TP63: variants seen among roughly 807,000 people sequenced by gnomAD.
TP63 encodes tumor protein 63.
Under a neutral mutation model 82.8 loss-of-function variants are expected in TP63, and 17 were observed. The observed-to-expected ratio is 0.21, with a 90% confidence interval of 0.14 to 0.31. TP63 has a LOEUF of 0.31. Among genes scored for constraint, TP63 ranks in the 10% least tolerant of loss-of-function variants. The pLI is 1.00. For missense variants in TP63, 648 were observed against 895.3 expected (o/e 0.72, Z 3.52); for synonymous variants, 330 against 321.7 (o/e 1.03, Z -0.28).
chr3:189,785,743 A>T (rs952868122), intron 3 of TP63, among the ~76,000 whole-genome samples: 1 of 152,032 alleles, frequency 6.6e-6, no homozygotes, highest in African/African-American at 2.4e-5. Context: ...CATTCTAAGT[A>T]ATTTATCTGG....
At position 189,846,923 on chromosome 3, in the gene TP63, C is replaced by T. The variant is rs1226068779; in HGVS notation, c.580-17309C>T. Among the ~76,000 whole-genome samples, 9 of 151,616 alleles carry T rather than the reference C, an allele frequency of 5.9e-5. No individual in the cohort carries two copies. The East Asian group carries it at 1.8e-3, about 30-fold the overall frequency. ...GTCTCGAACTGCTGACCTTGTGATC[C>T]ACCCACCTCGGCCTCCCAAAATGCT... On this transcript the variant is annotated intron_variant, in intron 4 of 13. Coordinates refer to ENST00000264731, the MANE Select transcript of TP63 (RefSeq NM_003722.5).
chr3:189,837,628 G>A (rs952242805), intron 4 of TP63, among the ~76,000 whole-genome samples: 2 of 152,084 alleles, frequency 1.3e-5, no homozygotes, highest in African/African-American at 4.8e-5. Flanking sequence ...GGAATCCCAT[G>A]CAATAGTTAT....
At chr3:189,777,283 G>A (rs1036145712) in intron 3 of TP63, among the ~76,000 whole-genome samples, 11 of 151,850 alleles carry the variant, frequency 7.2e-5, no homozygotes, top group Admixed American at 3.3e-4. Context: ...TCCAATCTCC[G>A]CCTCCCAGGT....
rs1717388520 is a variant in TP63 at position 189,864,087 on chromosome 3, T to C, written c.580-145T>C. 7 of 1,007,292 alleles carry C rather than the reference T, an allele frequency of 6.9e-6. No homozygotes were observed. The East Asian group carries it at 1.4e-4, about 21-fold the overall frequency. 62.4% of individuals were successfully genotyped at this position (1,007,292 alleles called of 1,614,324 possible). A position where few individuals can be genotyped will look rare whatever the true frequency, so the allele number is the denominator to read the frequency against. On this transcript the variant is annotated intron_variant, in intron 4 of 13. Transcript: ENST00000264731. ...ATAACTTCCTCTAATAACATTGACA[T>C]ACGTCACATCTATAGTAGCCAGTAG...
chr3:189,738,885 C>T, intron 3 of TP63, 111 bp downstream of exon 3: 2 of 1,485,320 alleles, frequency 1.3e-6, no homozygotes, highest in Non-Finnish European at 1.8e-6. Flanking sequence ...ATGGCCAAGG[C>T]CTTTGGGAAG....
At chr3:189,636,159 A>G (rs142765235) in intron 1 of TP63, among the ~76,000 whole-genome samples, 6 of 152,316 alleles carry the variant, frequency 3.9e-5, no homozygotes, top group African/African-American at 1.2e-4. Flanking sequence ...GCTTCAAAAT[A>G]TATTTATGAC....
the TP63 span, among the ~76,000 whole-genome samples, chr3:189,624,546 G>T: frequency 6.6e-6 from 1 of 151,950 alleles, no homozygotes; most frequent in Admixed American, 6.6e-5. Flanking sequence ...CCAATCTAAG[G>T]CTTGATAGAC....
chr3:189,765,319 C>T (rs1722858107), intron 3 of TP63, among the ~76,000 whole-genome samples: 9 of 151,688 alleles, frequency 5.9e-5, no homozygotes, highest in Admixed American at 5.9e-4. Context: ...TTTTTCCCCC[C>T]TGAGATCCAA....
At chr3:189,705,941 A>G (rs1408669816) in intron 1 of TP63, among the ~76,000 whole-genome samples, 2 of 152,214 alleles carry the variant, frequency 1.3e-5, no homozygotes, top group Non-Finnish European at 2.9e-5. Flanking sequence ...TGGGATATCC[A>G]TAAAGAAGCC....
At chr3:189,754,806 T>A (rs925429203) in intron 3 of TP63, among the ~76,000 whole-genome samples, 1 of 152,156 alleles carries the variant, frequency 6.6e-6, no homozygotes. Flanking sequence ...AGAGCCACTC[T>A]CACACTGCCA....
chr3:189,762,459 A>G (rs1722653963), intron 3 of TP63, among the ~76,000 whole-genome samples: 1 of 152,232 alleles, frequency 6.6e-6, no homozygotes, highest in African/African-American at 2.4e-5. Context: ...GTATACAGCT[A>G]TAATGACAGA....
rs1712473163 is a variant in TP63 at position 189,832,217 on chromosome 3, C to G, written c.579+23691C>G. ...CTCCTCTTGGGGTTTTTCTAAATGA[C>G]TGGCAAATGGAAAACCTGAAAGTTA... On this transcript the variant is annotated intron_variant, in intron 4 of 13. Coordinates refer to ENST00000264731, the MANE Select transcript of TP63 (RefSeq NM_003722.5). Among the ~76,000 whole-genome samples, 5 of 152,038 alleles carry G rather than the reference C, an allele frequency of 3.3e-5. No individual in the cohort carries two copies. In the South Asian group the frequency reaches 1.0e-3, roughly 32 times the overall value.
intron 4 of TP63, among the ~76,000 whole-genome samples, chr3:189,808,899 T>G (rs751247096): frequency 2.6e-5 from 4 of 152,186 alleles, no homozygotes; most frequent in Non-Finnish European, 5.9e-5. Context: ...GTCTCATTCT[T>G]GTAAAGAAGT....
At position 189,894,814 on chromosome 3, in the gene TP63, C is replaced by T. The variant is rs942176630; in HGVS notation, c.*312C>T. ...CATTGACTTTTATAAAGCATGTTCACCCTTATAGTCTAAGACTATATATAT... is the reference window on the plus strand; with the variant it reads ...CATTGACTTTTATAAAGCATGTTCATCCTTATAGTCTAAGACTATATATAT... On this transcript the variant is annotated 3_prime_UTR_variant, in exon 14 of 14. Coordinates refer to ENST00000264731, the MANE Select transcript of TP63 (RefSeq NM_003722.5). The T allele has an allele frequency of 2.5e-6, 1 of 404,778 alleles. No individual in the cohort carries two copies. Among genetic ancestry groups the T allele is most frequent in the Admixed American group, 3.8e-5 (1 of 26,432 alleles). 25.1% of individuals were successfully genotyped at this position (404,778 alleles called of 1,614,324 possible).
At chr3:189,603,083 C>T in the TP63 span, among the ~76,000 whole-genome samples, 2 of 152,266 alleles carry the variant, frequency 1.3e-5, no homozygotes, top group African/African-American at 4.8e-5. Flanking sequence ...AATGGAGGCT[C>T]TTTTACCCAG....
At chr3:189,681,686 T>A (rs1715916571) in intron 1 of TP63, among the ~76,000 whole-genome samples, 1 of 152,142 alleles carries the variant, frequency 6.6e-6, no homozygotes, top group African/African-American at 2.4e-5. Flanking sequence ...TTCTTCCTCC[T>A]CCTCCTTTTT....
At chr3:189,640,584 C>T (rs894149127) in intron 1 of TP63, among the ~76,000 whole-genome samples, 6 of 152,122 alleles carry the variant, frequency 3.9e-5, no homozygotes, top group African/African-American at 1.4e-4. Flanking sequence ...TTCAGTGATG[C>T]TCTATAAATG....
rs552532205 is a variant in TP63 at position 189,865,193 on chromosome 3, C to A, written c.766+775C>A. 4.2e-4 allele frequency among the ~76,000 whole-genome samples: 63 copies of A among 151,710 alleles called. No individual in the cohort carries two copies. The East Asian group carries it at 4.8e-3, about 12-fold the overall frequency. On this transcript the variant is annotated intron_variant, in intron 5 of 13. Transcript: ENST00000264731. ...CCAAATGAAAGAAATAATGAAAAAA[C>A]CAGAAGAAGAAAAAGGAAAAAAAGA...
Position 189,889,329 on chromosome 3 carries a change from C to CT in TP63, c.1508-9dup. 6.2e-7 allele frequency: 1 copy of CT among 1,614,170 alleles called. No individual in the cohort carries two copies. Among genetic ancestry groups the CT allele is most frequent in the African/African-American group, 1.3e-5 (1 of 75,034 alleles). ...GCAGTAACCCTTTTTGTTCCTCCTG[C>CT]TTCTGTTCAGTTCCCATGATGGGCA... On this transcript the variant is annotated splice_polypyrimidine_tract_variant and intron_variant, in intron 11 of 13. Coordinates refer to ENST00000264731, the MANE Select transcript of TP63 (RefSeq NM_003722.5).
Sources: allele counts gnomAD v4.1 joint callset (sites outside exome capture counted in the v4.1 genomes callset), GRCh38; gene constraint gnomAD v4.1.1; transcripts MANE v1.5; gene names NCBI Gene and HGNC (gene_info 2026-07-23, HGNC 2026-07-21).